RYR1: variants seen among roughly 807,000 people sequenced by gnomAD.
RYR1 encodes ryanodine receptor 1, also known as central core disease of muscle.
Under a neutral mutation model 583.5 loss-of-function variants are expected in RYR1, and 342 were observed. The ratio of observed to expected loss-of-function variants is 0.59; its 90% confidence interval spans 0.54 to 0.64. RYR1 has a LOEUF of 0.64. Among genes scored for constraint, RYR1 ranks in the 30% least tolerant of loss-of-function variants. The pLI is 0.00. For synonymous variants in RYR1, 2,791 were observed against 2,822.5 expected, an observed-to-expected ratio of 0.99 and a Z score of 0.35; for missense variants, 6,032 against 6,917.2, an observed-to-expected ratio of 0.87 and a Z score of 4.54.
intron 101 of RYR1, among the ~76,000 whole-genome samples, chr19:38,581,015 C>T (rs1370104178): frequency 6.6e-6 from 1 of 151,826 alleles, no homozygotes; most frequent in Non-Finnish European, 1.5e-5. Flanking sequence ...TCTCCTGCCT[C>T]AGCCTCCCAA....
chr19:38,536,823 C>T, intron 83 of RYR1, 56 bp downstream of exon 83: 1 of 1,570,132 alleles, frequency 6.4e-7, no homozygotes. Context: ...CCTCCTAACC[C>T]CGTCCACCCC....
At position 38,568,773 on chromosome 19, in the gene RYR1, C is replaced by CG. The variant is rs1005174971; in HGVS notation, c.13659+863dup. On this transcript the variant is annotated intron_variant, in intron 93 of 105. Coordinates refer to ENST00000359596, the MANE Select transcript of RYR1 (RefSeq NM_000540.3). ...CCTCAAACAAAGTGGTGGTGGGGGG[C>CG]GGGGGGGCGGTGAGGGAATCATGTG... Among the ~76,000 whole-genome samples, 8 of 21,068 alleles carry CG rather than the reference C, an allele frequency of 3.8e-4. No individual in the cohort carries two copies. The East Asian group carries it at 3.9e-3, about 10-fold the overall frequency. 13.8% of individuals were successfully genotyped at this position (21,068 alleles called of 152,430 possible).
chr19:38,493,843 C>T (rs1011440530), intron 38 of RYR1, among the ~76,000 whole-genome samples: 1 of 152,034 alleles, frequency 6.6e-6, no homozygotes, highest in Non-Finnish European at 1.5e-5. Flanking sequence ...TTTTATAGAA[C>T]AAGTGGGATT....
At chr19:38,515,140 T>A in intron 64 of RYR1, 33 bp downstream of exon 64, 2 of 1,116,342 alleles carry the variant, frequency 1.8e-6, no homozygotes, top group Non-Finnish European at 2.5e-6. Flanking sequence ...TGGGGCTGGG[T>A]GGGGCTGGAG....
intron 20 of RYR1, among the ~76,000 whole-genome samples, chr19:38,462,861 G>C (rs79666591): frequency 1.4e-5 from 2 of 144,110 alleles, no homozygotes; most frequent in Non-Finnish European, 3.0e-5. Flanking sequence ...AGACAGACCC[G>C]TCCCAGATAA....
intron 99 of RYR1, 150 bp from the exon 100 acceptor site, chr19:38,579,832 C>A: frequency 3.1e-6 from 3 of 961,494 alleles, no homozygotes; most frequent in South Asian, 1.3e-5. Context: ...TGCCTTCTCA[C>A]CCGGAATGCC....
Position 38,502,877 on chromosome 19 carries a change from C to G in RYR1, c.7836-3C>G. On this transcript the variant is annotated splice_region_variant and splice_polypyrimidine_tract_variant and intron_variant, in intron 48 of 105. Coordinates refer to ENST00000359596, the MANE Select transcript of RYR1 (RefSeq NM_000540.3). ...ATTCTACATCTTGTGCATTGTCCCGCAGGTACATCCGCCCGTCGATGCTGC... is the reference window on the plus strand; with the variant it reads ...ATTCTACATCTTGTGCATTGTCCCGGAGGTACATCCGCCCGTCGATGCTGC... 1 of 1,610,338 alleles carries G rather than the reference C, an allele frequency of 6.2e-7. No individual in the cohort carries two copies. Among genetic ancestry groups the G allele is most frequent in the Non-Finnish European group, 8.5e-7 (1 of 1,179,928 alleles).
intron 97 of RYR1, among the ~76,000 whole-genome samples, chr19:38,576,454 A>T (rs1430437432): frequency 6.6e-6 from 1 of 152,122 alleles, no homozygotes; most frequent in African/African-American, 2.4e-5. Context: ...ATCTCAAAAA[A>T]AATAATAATA....
intron 21 of RYR1, 21 bp from the exon 22 acceptor site, chr19:38,463,726 T>G: frequency 6.2e-7 from 1 of 1,606,730 alleles, no homozygotes; most frequent in Non-Finnish European, 8.5e-7. Context: ...GCACATGGAG[T>G]TGACCCTGGG....
chr19:38,439,002 G>A (rs112142943), intron 1 of RYR1, among the ~76,000 whole-genome samples: 19 of 151,836 alleles, frequency 1.3e-4, no homozygotes, highest in East Asian at 5.8e-4. Context: ...GTGAACCACC[G>A]CGTCCAGCCA....
chr19:38,442,709 G>A (rs989727333), intron 3 of RYR1, among the ~76,000 whole-genome samples: 2 of 152,152 alleles, frequency 1.3e-5, no homozygotes, highest in Non-Finnish European at 2.9e-5. Context: ...CCTGCACACA[G>A]GGGCTGGAGG....
intron 67 of RYR1, 74 bp downstream of exon 67, chr19:38,519,528 C>T (rs1010561366): frequency 1.0e-5 from 15 of 1,506,852 alleles, no homozygotes; most frequent in Non-Finnish European, 1.2e-5. Context: ...TGATCTCCGC[C>T]TCCTGACTGG....
At chr19:38,518,974 G>A (rs1239121473) in intron 66 of RYR1, among the ~76,000 whole-genome samples, 1 of 151,968 alleles carries the variant, frequency 6.6e-6, no homozygotes, top group African/African-American at 2.4e-5. Context: ...CTGTTGTTGG[G>A]GGTCAGAGGT....
Position 38,565,367 on chromosome 19 carries a change from G to T in RYR1, c.13033G>T (p.Ala4345Ser). Reference sequence around the variant, plus strand: ...CTGGGCAGCAGTGACGCGCGCTGGGGCCGCTGGCGCGGGGGCGGCGGCGGG... The same window carrying T: ...CTGGGCAGCAGTGACGCGCGCTGGGTCCGCTGGCGCGGGGGCGGCGGCGGG... ...LLWAAVTRAGAAGAGAAAGAL... is the reference protein window; with the variant it reads ...LLWAAVTRAGSAGAGAAAGAL... The change falls in exon 91 of 106, where the codon GCC (alanine) becomes TCC (serine). Residue 4345 changes from alanine to serine, a missense_variant. Coordinates refer to ENST00000359596, the MANE Select transcript of RYR1 (RefSeq NM_000540.3). The surrounding 1 kb of genome is among the most constrained non-coding windows in gnomAD (Gnocchi z 4.7). 1 of 1,322,468 alleles carries T rather than the reference G, an allele frequency of 7.6e-7. No homozygotes were observed. The allele number at this position is 1,322,468 out of a possible 1,614,324, so 81.9% of individuals were successfully genotyped here.
intron 2 of RYR1, among the ~76,000 whole-genome samples, chr19:38,441,806 G>A (rs1336421881): frequency 3.3e-5 from 5 of 152,086 alleles, no homozygotes; most frequent in African/African-American, 1.2e-4. Context: ...GGAGTTGGAC[G>A]GTGGGAGACT....
At chr19:38,540,444 C>A (rs1178194566) in intron 84 of RYR1, among the ~76,000 whole-genome samples, 1 of 111,428 alleles carries the variant, frequency 9.0e-6, no homozygotes, top group Non-Finnish European at 1.8e-5. Context: ...AACCTCCAAT[C>A]ATATACTACA....
Position 38,586,549 on chromosome 19 carries a change from C to G in RYR1, c.14994C>G (p.Asn4998Lys). The stretch of plus-strand genomic sequence containing the variant: ...GGTTTTTCCTGATGTATTTGATAAA[C>G]AAGGATGAGACAGAACACACGGGTC... ...NYMFFLMYLI[N>K]KDETEHTGQE... is the part of the protein sequence containing the mutation. The change falls in exon 105 of 106, where the codon AAC (asparagine) becomes AAG (lysine). Residue 4998 changes from asparagine (N) to lysine (K), a missense_variant. Transcript: ENST00000359596. 1 of 1,614,098 alleles carries G rather than the reference C, an allele frequency of 6.2e-7. No individual in the cohort carries two copies. The highest frequency in any genetic ancestry group is 2.2e-5 in the East Asian group (1 of 44,890).
At chr19:38,537,185 C>T (rs1972009307) in intron 83 of RYR1, 1 of 272,300 alleles carries the variant, frequency 3.7e-6, no homozygotes, top group African/African-American at 2.2e-5. Context: ...TCCCATCCAC[C>T]AACCGAATTG....
chr19:38,458,579 C>T lies in RYR1; in HGVS notation c.2167+287C>T, dbSNP rs143507261. On this transcript the variant is annotated intron_variant, in intron 18 of 105. Transcript: ENST00000359596. ...TACTGTGATCTCTGATCTTTGACTT[C>T]TAACCCCAGGAGAATTTATTTATTT... Among the ~76,000 whole-genome samples, 388 of 152,192 alleles carry T rather than the reference C, an allele frequency of 2.5e-3. 1 individual carries two copies. The highest frequency in any genetic ancestry group is 9.1e-3 in the African/African-American group (378 of 41,546).
Sources: allele counts gnomAD v4.1 joint callset (sites outside exome capture counted in the v4.1 genomes callset), GRCh38; gene constraint gnomAD v4.1.1; non-coding constraint Gnocchi (gnomAD v3.1); transcripts MANE v1.5; gene names NCBI Gene and HGNC (gene_info 2026-07-23, HGNC 2026-07-21).